TULP3: variants seen among roughly 807,000 people sequenced by gnomAD.
TULP3 encodes the protein tubby-related protein 3.
TULP3 carries 38 observed loss-of-function variants against 50.7 expected under a neutral mutation model. The ratio of observed to expected loss-of-function variants is 0.75; its 90% CI spans 0.58 to 0.98. The LOEUF (loss-of-function observed/expected upper bound fraction) is 0.98. Ranked by LOEUF, TULP3 falls within the 50% of genes least tolerant of loss-of-function variation. The probability of loss-of-function intolerance (pLI) is 0.00; values close to 1 mark genes in which losing one functional copy is unlikely to be tolerated. For missense variants in TULP3, 550 were observed against 568.0 expected (o/e 0.97, Z 0.32); for synonymous variants, 183 against 196.6 (o/e 0.93, Z 0.58).
intron 3 of TULP3, 27 bp downstream of exon 3, chr12:2,920,949 T>A (rs758758109): frequency 1.2e-6 from 2 of 1,610,534 alleles, no homozygotes; most frequent in Admixed American, 3.3e-5. Context: ...CATCACTTCC[T>A]AGTGGGGTAC....
chr12:2,934,524 C>T lies in TULP3; in HGVS notation c.887C>T (p.Ala296Val), dbSNP rs116014892. 8 of 1,599,212 alleles carry T rather than the reference C, an allele frequency of 5.0e-6. No homozygotes were observed. The highest frequency in any genetic ancestry group is 4.6e-5 in the East Asian group (2 of 43,488). Residue 296 changes from alanine to valine, a missense_variant, in exon 8 of 11, where the codon GCG (alanine) becomes GTG (valine). Physicochemically the swap from Ala to Val is moderately conservative, Grantham distance 64 (BLOSUM62 0). Coordinates refer to ENST00000448120, the MANE Select transcript of TULP3 (RefSeq NM_003324.5). Reference sequence around the variant, plus strand: ...ATGAAGGGCCGGGGTTTGGTAGGAGCGGCCCACACCCGGCAGGAGCTGGCT... The same window carrying T: ...ATGAAGGGCCGGGGTTTGGTAGGAGTGGCCCACACCCGGCAGGAGCTGGCT... Reference protein sequence around the residue: ...CPMKGRGLVGAAHTRQELAAI... With the variant: ...CPMKGRGLVGVAHTRQELAAI...
At chr12:2,920,533 T>C (rs1409743385) in intron 2 of TULP3, among the ~76,000 whole-genome samples, 1 of 151,924 alleles carries the variant, frequency 6.6e-6, no homozygotes, top group Non-Finnish European at 1.5e-5. Context: ...AAAAGCATCA[T>C]CTGATTTTAA....
At chr12:2,911,927 C>T (rs1054966346) in intron 2 of TULP3, among the ~76,000 whole-genome samples, 2 of 151,124 alleles carry the variant, frequency 1.3e-5, no homozygotes, top group Non-Finnish European at 2.9e-5. Flanking sequence ...TGTTTTAGTT[C>T]AGTCTGGGCA....
Position 2,915,847 on chromosome 12 carries a change from A to C in TULP3, c.94-4916A>C, listed in dbSNP as rs565126249. 2.0e-5 allele frequency among the ~76,000 whole-genome samples: 3 copies of C among 147,994 alleles called. No individual in the cohort carries two copies. In the East Asian group the frequency reaches 6.3e-4, roughly 31 times the overall value. Reference sequence around the variant, plus strand: ...GCGTGAGCCACCGTGCCCGGCCGAGATTTTTAAACAAACTGATAGACTGCA... The same window carrying C: ...GCGTGAGCCACCGTGCCCGGCCGAGCTTTTTAAACAAACTGATAGACTGCA... On this transcript the variant is annotated intron_variant, in intron 2 of 10. Transcript: ENST00000448120.
chr12:2,905,524 T>C (rs1164362955), intron 1 of TULP3, among the ~76,000 whole-genome samples: 1 of 152,214 alleles, frequency 6.6e-6, no homozygotes, highest in Non-Finnish European at 1.5e-5. Flanking sequence ...ACTAAAGGTA[T>C]AACTTTTTAA....
intron 3 of TULP3, among the ~76,000 whole-genome samples, chr12:2,921,614 G>A (rs1027460934): frequency 6.6e-6 from 1 of 152,150 alleles, no homozygotes; most frequent in Non-Finnish European, 1.5e-5. Flanking sequence ...GGCGGAGGAA[G>A]AATAAGATTG....
intron 1 of TULP3, among the ~76,000 whole-genome samples, chr12:2,907,046 A>G (rs1259325787): frequency 6.6e-6 from 1 of 151,816 alleles, no homozygotes; most frequent in African/African-American, 2.4e-5. Flanking sequence ...AAAAATTTAT[A>G]CTGATACACG....
rs763523593 is a variant in TULP3 at position 2,934,535 on chromosome 12, C to A, written c.898C>A (p.Arg300=). The change falls in exon 8 of 11, where the codon CGG becomes AGG. Residue 300 remains arginine (R), a synonymous_variant. Coordinates refer to ENST00000448120, the MANE Select transcript of TULP3 (RefSeq NM_003324.5). Reference sequence around the variant, plus strand: ...GGGTTTGGTAGGAGCGGCCCACACCCGGCAGGAGCTGGCTGCCATCTCCTA... The same window carrying A: ...GGGTTTGGTAGGAGCGGCCCACACCAGGCAGGAGCTGGCTGCCATCTCCTA... ...GRGLVGAAHT[R]QELAAISYET... is the part of the protein sequence containing the mutation. 2.5e-6 allele frequency: 4 copies of A among 1,594,716 alleles called. No individual in the cohort carries two copies. Among genetic ancestry groups the A allele is most frequent in the Non-Finnish European group, 3.4e-6 (4 of 1,170,872 alleles).
intron 2 of TULP3, among the ~76,000 whole-genome samples, chr12:2,913,691 A>G (rs529667735): frequency 6.6e-6 from 1 of 152,080 alleles, no homozygotes; most frequent in East Asian, 1.9e-4. Flanking sequence ...GCTCACTGCA[A>G]CCTCCGCCTC....
rs1292064342 is a variant in TULP3 at position 2,938,057 on chromosome 12, T to C, written c.1024-57T>C. On this transcript the variant is annotated intron_variant, in intron 9 of 10. Coordinates refer to ENST00000448120, the MANE Select transcript of TULP3 (RefSeq NM_003324.5). ...GGAGAAAGTATTCTCCTACTCTACC[T>C]TCTACCTCGTAGAGTTGGAGTTCTC... 3 of 1,581,346 alleles carry C rather than the reference T, an allele frequency of 1.9e-6. No homozygotes were observed. The East Asian group carries it at 6.7e-5, about 35-fold the overall frequency.
chr12:2,903,199 GA>G (rs915233087), intron 1 of TULP3, among the ~76,000 whole-genome samples: 5 of 150,372 alleles, frequency 3.3e-5, no homozygotes, highest in African/African-American at 9.7e-5. Flanking sequence ...CCACAACAAT[GA>G]AAAAAAAATT....
intron 6 of TULP3, 150 bp from the exon 7 acceptor site, chr12:2,933,268 G>C: frequency 1.7e-6 from 1 of 585,788 alleles, no homozygotes; most frequent in Non-Finnish European, 3.1e-6. Flanking sequence ...AAGAGAGTTA[G>C]AGAAAGGGAT....
At chr12:2,907,661 A>ATTT (rs199539152) in intron 1 of TULP3, among the ~76,000 whole-genome samples, 69,502 of 150,398 alleles carry the variant, frequency 0.46, 16,300 homozygotes, top group East Asian at 0.56. Context: ...AAAAAAAAAA[A>ATTT]TTTTTTATTC....
rs140896435 is a variant in TULP3, at chr12:2,911,921, T to A, written c.93+2341T>A. The stretch of plus-strand genomic sequence containing the variant: ...GAAGGATCCCTTGACCTCAAGTGTT[T>A]TAGTTCAGTCTGGGCAACACAGCAA... On this transcript the variant is annotated intron_variant, in intron 2 of 10. Coordinates refer to ENST00000448120, the MANE Select transcript of TULP3 (RefSeq NM_003324.5). Among the ~76,000 whole-genome samples the A allele has an allele frequency of 6.2e-4, 94 of 151,790 alleles. No individual in the cohort carries two copies. In the East Asian group the frequency reaches 0.013, roughly 21 times the overall value.
intron 8 of TULP3, 35 bp downstream of exon 8, chr12:2,934,596 T>A (rs1223021298): frequency 7.1e-7 from 1 of 1,415,452 alleles, no homozygotes; most frequent in Non-Finnish European, 9.6e-7. Flanking sequence ...CTGCCTGCCC[T>A]CCTGGTGTCC....
At chr12:2,891,993 G>A (rs759690472) in intron 1 of TULP3, among the ~76,000 whole-genome samples, 5 of 152,068 alleles carry the variant, frequency 3.3e-5, no homozygotes, top group Non-Finnish European at 7.4e-5. Context: ...GACTGAGGAG[G>A]GAGGATTCCT....
intron 1 of TULP3, among the ~76,000 whole-genome samples, chr12:2,900,417 G>A (rs1415976979): frequency 6.6e-6 from 1 of 152,102 alleles, no homozygotes; most frequent in Non-Finnish European, 1.5e-5. Flanking sequence ...CAGATTATTA[G>A]TGCAAAATTT....
At position 2,890,920 on chromosome 12, in the gene TULP3, C is replaced by T. The variant is rs371148274; in HGVS notation, c.-28C>T. 3.4e-5 allele frequency: 54 copies of T among 1,583,382 alleles called. No individual in the cohort carries two copies. The highest frequency in any genetic ancestry group is 4.4e-5 in the Non-Finnish European group (51 of 1,165,386). Reference sequence around the variant, plus strand: ...TAGCGACGGCGGGGAAGAGTGTGTACGTGGTGGGGGCTTCCTCGGTGGCGG... The same window carrying T: ...TAGCGACGGCGGGGAAGAGTGTGTATGTGGTGGGGGCTTCCTCGGTGGCGG... On this transcript the variant is annotated 5_prime_UTR_variant, in exon 1 of 11. It adds an upstream start codon to the 5' untranslated region. Transcript: ENST00000448120.
In TULP3 at chr12:2,940,360, G is replaced by A; in HGVS notation, c.*916G>A. ...AAAAGGTGGCAGGAGAGGCTTTGGGGAGGATCAGCCAGCAGACATGAGCAC... is the reference window on the plus strand; with the variant it reads ...AAAAGGTGGCAGGAGAGGCTTTGGGAAGGATCAGCCAGCAGACATGAGCAC... On this transcript the variant is annotated 3_prime_UTR_variant, in exon 11 of 11. Coordinates refer to ENST00000448120, the MANE Select transcript of TULP3 (RefSeq NM_003324.5). 1 of 1,468,004 alleles carries A rather than the reference G, an allele frequency of 6.8e-7. No homozygotes were observed. The highest frequency in any genetic ancestry group is 8.9e-7 in the Non-Finnish European group (1 of 1,117,456). The allele number at this position is 1,468,004 out of a possible 1,614,324, so 90.9% of individuals were successfully genotyped here. A position where few individuals can be genotyped will look rare whatever the true frequency, so the allele number is the denominator to read the frequency against.
Sources: allele counts gnomAD v4.1 joint callset (sites outside exome capture counted in the v4.1 genomes callset), GRCh38; gene constraint gnomAD v4.1.1; transcripts MANE v1.5; gene names NCBI Gene and HGNC (gene_info 2026-07-23, HGNC 2026-07-21).